The following GPATCH1 variants were observed in gnomAD, a reference collection of about 807,000 sequenced individuals.
The protein encoded by GPATCH1 is G-patch domain containing 1.
In GPATCH1, 73 loss-of-function variants were observed where a neutral mutation model predicts 114.9. The observed-to-expected ratio is 0.64, with a 90% CI of 0.53 to 0.77. The LOEUF is 0.77. GPATCH1 is among the 30% of genes least tolerant of loss of function. The pLI is 0.00. For synonymous variants in GPATCH1, 391 were observed against 428.4 expected (o/e 0.91, Z 1.08); for missense variants, 1,058 against 1,144.3 (o/e 0.92, Z 1.09).
chr19:33,113,759 A>G lies in GPATCH1; in HGVS notation c.1893-8A>G. 1 of 1,609,372 alleles carries G rather than the reference A, an allele frequency of 6.2e-7. No homozygotes were observed. The highest frequency in any genetic ancestry group is 1.3e-5 in the African/African-American group (1 of 74,664). ...TGTTACTAAAATGATTCTTTTTTCA[A>G]TTCCCAGTTCAACTTTAGTTGGCTT... On this transcript the variant is annotated splice_polypyrimidine_tract_variant and splice_region_variant and intron_variant, in intron 13 of 19. Transcript: ENST00000170564.
rs776205340 is a variant in GPATCH1 at position 33,096,191 on chromosome 19, C to T, written c.613-16C>T. On this transcript the variant is annotated splice_polypyrimidine_tract_variant and intron_variant, in intron 6 of 19. Transcript: ENST00000170564. ...CCTTCAGTGACTCACCTTAATTCCA[C>T]TTTAAACGGAAATAGGGTGAAGATG... 3 of 1,610,008 alleles carry T rather than the reference C, an allele frequency of 1.9e-6. No homozygotes were observed. Among genetic ancestry groups the T allele is most frequent in the Non-Finnish European group, 2.5e-6 (3 of 1,177,966 alleles).
rs200997266 is a variant in GPATCH1 at position 33,094,258 on chromosome 19, G to T, written c.542G>T (p.Arg181Leu). Residue 181 changes from arginine (R) to leucine (L), a missense_variant, in exon 5 of 20, where the codon CGA becomes CTA. Arg to Leu is a moderately radical substitution (Grantham distance 102, BLOSUM62 -2). Around this residue, in one of 3 missense-constraint regions of GPATCH1, gnomAD observed 893 missense variants for 977.4 expected, o/e 0.91. Coordinates refer to ENST00000170564, the MANE Select transcript of GPATCH1 (RefSeq NM_018025.3). ...VGPRVKRRPR[R>L]QKPDPGVKIY... The stretch of plus-strand genomic sequence containing the variant: ...CCTCGAGTAAAGAGACGGCCACGCC[G>T]ACAGAAACCTGGTGTGTATGTTAAT... 4.5e-6 allele frequency: 7 copies of T among 1,571,476 alleles called. No homozygotes were observed. Among genetic ancestry groups the T allele is most frequent in the Admixed American group, 1.7e-5 (1 of 59,950 alleles).
At chr19:33,106,112 A>T (rs1972781709) in intron 9 of GPATCH1, among the ~76,000 whole-genome samples, 1 of 152,022 alleles carries the variant, frequency 6.6e-6, no homozygotes, top group East Asian at 1.9e-4. Flanking sequence ...GTCTCCCAAC[A>T]TGCTGGGATT....
At chr19:33,100,279 G>T (rs1203336408) in intron 8 of GPATCH1, 1 of 151,970 alleles carries the variant, frequency 6.6e-6, no homozygotes, top group Admixed American at 6.6e-5. Context: ...ATTTTAGTAA[G>T]TTCTAGAAGC....
intron 4 of GPATCH1, 58 bp from the exon 5 acceptor site, chr19:33,094,114 T>C: frequency 1.0e-6 from 1 of 956,136 alleles, no homozygotes; most frequent in Non-Finnish European, 1.7e-6. Context: ...GCCGCTTATT[T>C]CATATTCTTT....
intron 2 of GPATCH1, among the ~76,000 whole-genome samples, chr19:33,090,305 C>T (rs1164550300): frequency 6.6e-6 from 1 of 152,152 alleles, no homozygotes; most frequent in Non-Finnish European, 1.5e-5. Context: ...GCCTGGATTC[C>T]TTCTGTTACT....
At chr19:33,105,169 C>T (rs548468881) in intron 9 of GPATCH1, among the ~76,000 whole-genome samples, 2 of 152,130 alleles carry the variant, frequency 1.3e-5, no homozygotes, top group South Asian at 4.2e-4. Context: ...TGGTGGCTTA[C>T]GCCTGTAATT....
intron 10 of GPATCH1, 49 bp downstream of exon 10, chr19:33,106,948 C>T: frequency 1.4e-6 from 2 of 1,435,842 alleles, no homozygotes; most frequent in Non-Finnish European, 1.9e-6. Flanking sequence ...TTCGAGTTAT[C>T]AAAATCAAAA....
intron 9 of GPATCH1, among the ~76,000 whole-genome samples, chr19:33,104,000 CAG>C (rs1228737755): frequency 6.6e-6 from 1 of 152,002 alleles, no homozygotes; most frequent in African/African-American, 2.4e-5. Flanking sequence ...AGAGGTCAAA[CAG>C]AACAATGATT....
intron 1 of GPATCH1, among the ~76,000 whole-genome samples, chr19:33,082,316 C>G (rs1018012441): frequency 2.0e-5 from 3 of 152,110 alleles, no homozygotes; most frequent in African/African-American, 7.2e-5. Flanking sequence ...GGGCTGTTGG[C>G]TGTGCTAGCC....
At chr19:33,102,474 G>A (rs1369280167) in intron 9 of GPATCH1, among the ~76,000 whole-genome samples, 1 of 138,912 alleles carries the variant, frequency 7.2e-6, no homozygotes, top group Admixed American at 7.8e-5. Context: ...TCAGCTCACC[G>A]CAACCTCCGC....
At chr19:33,102,694 C>T (rs915325161) in intron 9 of GPATCH1, among the ~76,000 whole-genome samples, 14 of 152,018 alleles carry the variant, frequency 9.2e-5, no homozygotes, top group South Asian at 2.1e-4. Context: ...CGCGCCCGGC[C>T]GCTAATATTT....
At chr19:33,104,347 G>A (rs10404978) in intron 9 of GPATCH1, among the ~76,000 whole-genome samples, 52,635 of 137,808 alleles carry the variant, frequency 0.38, 14,001 homozygotes, top group African/African-American at 0.71. Flanking sequence ...TCAAAAAAAA[G>A]AAAGAAATAC....
chr19:33,118,625 C>T (rs1275144501), intron 16 of GPATCH1, among the ~76,000 whole-genome samples: 1 of 152,182 alleles, frequency 6.6e-6, no homozygotes, highest in Admixed American at 6.5e-5. Flanking sequence ...TTGTCTCCCG[C>T]AGTTCTCTGT....
chr19:33,085,238 G>A (rs1369080573), intron 1 of GPATCH1, among the ~76,000 whole-genome samples: 1 of 152,046 alleles, frequency 6.6e-6, no homozygotes, highest in Non-Finnish European at 1.5e-5. Flanking sequence ...TTTTGAGACA[G>A]TCTTGCTTTA....
At chr19:33,118,167 A>T in intron 16 of GPATCH1, 126 bp downstream of exon 16, 2 of 454,730 alleles carry the variant, frequency 4.4e-6, no homozygotes, top group Non-Finnish European at 3.7e-6. Context: ...AATCTTTTAT[A>T]TGTATATAAT....
rs1290058223 is a variant in GPATCH1 at position 33,110,029 on chromosome 19, C to T, written c.1585+13C>T. The T allele has an allele frequency of 1.3e-6, 2 of 1,582,484 alleles. No homozygotes were observed. The highest frequency in any genetic ancestry group is 1.8e-5 in the Admixed American group (1 of 56,032). On this transcript the variant is annotated intron_variant, in intron 11 of 19. Coordinates refer to ENST00000170564, the MANE Select transcript of GPATCH1 (RefSeq NM_018025.3). ...CAGGGTCAGAAAGGTGGGTGCTGGG[C>T]CTGGGTGTCCCAAATCTCGGCCCGG...
chr19:33,118,175 A>AT (rs1432559287), intron 16 of GPATCH1, 134 bp downstream of exon 16: 9 of 420,396 alleles, frequency 2.1e-5, no homozygotes, highest in Admixed American at 4.8e-5. Flanking sequence ...ATATGTATAT[A>AT]ATTTTTTTTT....
intron 2 of GPATCH1, among the ~76,000 whole-genome samples, chr19:33,088,797 C>T (rs1972562821): frequency 6.6e-6 from 1 of 151,666 alleles, no homozygotes; most frequent in Admixed American, 6.6e-5. Context: ...GGTGGAATTA[C>T]AGGCGCCTGC....
Sources: gnomAD v4.1 joint callset for allele counts (sites outside exome capture counted in the v4.1 genomes callset) on GRCh38, gnomAD v4.1.1 for gene constraint, gnomAD v4.1.1 regional missense constraint, MANE v1.5 for transcripts, NCBI Gene and HGNC (gene_info 2026-07-23, HGNC 2026-07-21) for gene names.